Variants in FAM107A observed in about 807,000 individuals in gnomAD.
The protein encoded by FAM107A is family with sequence similarity 107 member A.
Under a neutral mutation model 13.7 loss-of-function variants are expected in FAM107A, and 19 were observed. The ratio of observed to expected loss-of-function variants is 1.38; its 90% CI spans 0.97 to 2.03. FAM107A has a LOEUF of 2.03. Ranked by LOEUF, FAM107A falls within the 30% of genes most tolerant of loss-of-function variation. The pLI is 0.00. For synonymous variants in FAM107A, 82 were observed against 74.5 expected (o/e 1.10, Z -0.52); for missense variants, 203 against 184.4 (o/e 1.10, Z -0.58).
intron 2 of FAM107A, among the ~76,000 whole-genome samples, chr3:58,567,992 A>G (rs2063640014): frequency 1.3e-5 from 2 of 152,104 alleles, no homozygotes; most frequent in Admixed American, 6.5e-5. Context: ...GCTGGAGTGC[A>G]GTGGTGCAAT....
At position 58,604,063 on chromosome 3, in the gene FAM107A, C is replaced by G. The variant is rs1328966408; in HGVS notation, c.-69-14794G>C. Reference sequence around the variant, plus strand: ...CCCACCAGATGCCCCTCCGCCTGCTCTCTGAGCTTCACACTAGCATGTCGG... The same window carrying G: ...CCCACCAGATGCCCCTCCGCCTGCTGTCTGAGCTTCACACTAGCATGTCGG... On this transcript the variant is annotated intron_variant, in intron 1 of 3. Coordinates refer to the FAM107A transcript ENST00000465970. The surrounding 1 kb of genome is among the most constrained non-coding windows in gnomAD (Gnocchi z 4.1). 6.6e-6 allele frequency among the ~76,000 whole-genome samples: 1 copy of G among 152,148 alleles called. No homozygotes were observed. The highest frequency in any genetic ancestry group is 2.4e-5 in the African/African-American group (1 of 41,430).
At chr3:58,584,531 C>T (rs80001891) in intron 1 of FAM107A, among the ~76,000 whole-genome samples, 490 of 152,218 alleles carry the variant, frequency 3.2e-3, no homozygotes, top group African/African-American at 0.011. Context: ...CCTTAGTGGA[C>T]CATGGGCAAG....
At chr3:58,625,311 G>T (rs746062703) in intron 1 of FAM107A, among the ~76,000 whole-genome samples, 2 of 152,108 alleles carry the variant, frequency 1.3e-5, no homozygotes, top group Non-Finnish European at 2.9e-5. Flanking sequence ...ACAGAAACAG[G>T]CCTTTTCAAA....
chr3:58,566,565 T>C lies in FAM107A; in HGVS notation c.*23A>G. ...AGGCTGTCCAGGCCAGGGTGGGCAG[T>C]GGCCTGAGCCCGGCAGCTGGCCCTA... On this transcript the variant is annotated 3_prime_UTR_variant, in exon 4 of 4. Coordinates refer to ENST00000360997, the MANE Select transcript of FAM107A (RefSeq NM_001076778.3). 4 of 1,579,922 alleles carry C rather than the reference T, an allele frequency of 2.5e-6. No homozygotes were observed. Among genetic ancestry groups the C allele is most frequent in the Non-Finnish European group, 3.5e-6 (4 of 1,150,086 alleles).
rs533636451 is a variant in FAM107A at position 58,566,265 on chromosome 3, G to C, written c.*323C>G. 9.6e-4 allele frequency: 260 copies of C among 272,064 alleles called. 1 individual carries two copies. The highest frequency in any genetic ancestry group is 2.3e-3 in the South Asian group (23 of 10,044). The allele number at this position is 272,064 out of a possible 1,614,324, so 16.9% of individuals were successfully genotyped here. A position where few individuals can be genotyped will look rare whatever the true frequency, so the allele number is the denominator to read the frequency against. ...TGGGAAGGCCTGGGCAGAACAGAAG[G>C]CTTGTCAAGTCAGAGGGCCACCTCT... On this transcript the variant is annotated 3_prime_UTR_variant, in exon 4 of 4. Coordinates refer to ENST00000360997, the MANE Select transcript of FAM107A (RefSeq NM_001076778.3).
At chr3:58,589,223 T>G, upstream of FAM107A, 1 of 1,535,226 alleles carries the variant, frequency 6.5e-7, no homozygotes, top group South Asian at 1.2e-5. Flanking sequence ...ATTTCGTCTC[T>G]GCTTCTCATT....
At chr3:58,622,870 G>C (rs72876174) in intron 1 of FAM107A, among the ~76,000 whole-genome samples, 27 of 152,268 alleles carry the variant, frequency 1.8e-4, no homozygotes, top group African/African-American at 6.5e-4. Flanking sequence ...CTGGGCACAG[G>C]AGTCCTTTGG....
chr3:58,566,287 C>A lies in FAM107A; in HGVS notation c.*301G>T, dbSNP rs188964499. On this transcript the variant is annotated 3_prime_UTR_variant, in exon 4 of 4. Coordinates refer to ENST00000360997, the MANE Select transcript of FAM107A (RefSeq NM_001076778.3). ...AAGGCTTGTCAAGTCAGAGGGCCAC[C>A]TCTTCCTCCTCAATTCTGCCAGAGA... 2.2e-4 allele frequency: 71 copies of A among 324,998 alleles called. 1 individual carries two copies. The East Asian group carries it at 3.8e-3, about 17-fold the overall frequency. 20.1% of individuals were successfully genotyped at this position (324,998 alleles called of 1,614,324 possible). A position where few individuals can be genotyped will look rare whatever the true frequency, so the allele number is the denominator to read the frequency against.
chr3:58,591,720 C>G (rs1307378761), upstream of FAM107A, among the ~76,000 whole-genome samples: 3 of 152,202 alleles, frequency 2.0e-5, no homozygotes, highest in Admixed American at 6.5e-5. This position sits in a 1 kb window ranked among gnomAD's most constrained non-coding sequence, Gnocchi z 4.3. Context: ...CAGACTTCCC[C>G]TATGTTAATA....
intron 1 of FAM107A, among the ~76,000 whole-genome samples, chr3:58,600,552 C>G (rs2065744911): frequency 6.6e-6 from 1 of 152,160 alleles, no homozygotes; most frequent in African/African-American, 2.4e-5. Flanking sequence ...GGTTTGAGCC[C>G]AGGTCAGCCT....
intron 1 of FAM107A, among the ~76,000 whole-genome samples, chr3:58,622,475 A>G (rs115354450): frequency 6.7e-4 from 102 of 152,306 alleles, no homozygotes; most frequent in African/African-American, 2.3e-3. Flanking sequence ...AGCATTTAGC[A>G]TAGTGGCTGC....
Position 58,604,399 on chromosome 3 carries a change from A to G in FAM107A, c.-69-15130T>C, listed in dbSNP as rs946267915. On this transcript the variant is annotated intron_variant, in intron 1 of 3. Transcript: ENST00000465970. The surrounding 1 kb of genome is among the most constrained non-coding windows in gnomAD (Gnocchi z 4.1). ...TGATAACAGGTCCTGTGCCAGACAG[A>G]CTCAGAATTCTGGAGAGAAAGGGCC... Among the ~76,000 whole-genome samples the G allele has an allele frequency of 6.6e-6, 1 of 151,874 alleles. No individual in the cohort carries two copies. Among genetic ancestry groups the G allele is most frequent in the Admixed American group, 6.6e-5 (1 of 15,244 alleles).
chr3:58,604,452 A>G lies in FAM107A; in HGVS notation c.-69-15183T>C, dbSNP rs370582246. Among the ~76,000 whole-genome samples, 3 of 152,168 alleles carry G rather than the reference A, an allele frequency of 2.0e-5. No homozygotes were observed. Among genetic ancestry groups the G allele is most frequent in the Admixed American group, 6.5e-5 (1 of 15,276 alleles). On this transcript the variant is annotated intron_variant, in intron 1 of 3. Transcript: ENST00000465970. The surrounding 1 kb of genome is among the most constrained non-coding windows in gnomAD (Gnocchi z 4.1). ...TTGAGATGATCTGCCTGCACCCTCC[A>G]TTATATAAGTGGAGAAACTGAGGCA...
upstream of FAM107A, among the ~76,000 whole-genome samples, chr3:58,591,191 G>A (rs191051071): frequency 9.2e-5 from 14 of 152,286 alleles, no homozygotes; most frequent in East Asian, 2.3e-3. The surrounding 1 kb of genome is among the most constrained non-coding windows in gnomAD (Gnocchi z 4.3). Context: ...ACAGAGAGAC[G>A]CTGGGAAAAA....
rs1298928737 is a variant in FAM107A, at chr3:58,617,559, C to G, written c.-70+9857G>C. On this transcript the variant is annotated intron_variant, in intron 1 of 3. Coordinates refer to the FAM107A transcript ENST00000465970. The surrounding 1 kb of genome is among the most constrained non-coding windows in gnomAD (Gnocchi z 4.5). Reference sequence around the variant, plus strand: ...CCTGAGATCTGATCTCTTACTTACACAAAGCCCCTTGTTTATGTTAGTTTG... The same window carrying G: ...CCTGAGATCTGATCTCTTACTTACAGAAAGCCCCTTGTTTATGTTAGTTTG... Among the ~76,000 whole-genome samples, 1 of 152,134 alleles carries G rather than the reference C, an allele frequency of 6.6e-6. No individual in the cohort carries two copies. Among genetic ancestry groups the G allele is most frequent in the Non-Finnish European group, 1.5e-5 (1 of 68,032 alleles).
chr3:58,587,054 G>T, exon 1 of FAM107A: 1 of 1,368,036 alleles, frequency 7.3e-7, no homozygotes, highest in South Asian at 1.7e-5. Context: ...CCCAAACCCC[G>T]CTGAGGGTCA....
intron 1 of FAM107A, among the ~76,000 whole-genome samples, chr3:58,573,830 C>T (rs1475745941): frequency 3.9e-5 from 6 of 152,224 alleles, no homozygotes; most frequent in Admixed American, 3.3e-4. Flanking sequence ...AGCCCTGGGA[C>T]ACACCACGCC....
intron 1 of FAM107A, among the ~76,000 whole-genome samples, chr3:58,597,277 T>C (rs896602160): frequency 6.6e-6 from 1 of 152,242 alleles, no homozygotes; most frequent in Non-Finnish European, 1.5e-5. Flanking sequence ...CTGCCAACAA[T>C]GATTGTGTCA....
At chr3:58,567,845 C>G (rs759689006) in intron 2 of FAM107A, among the ~76,000 whole-genome samples, 1 of 152,174 alleles carries the variant, frequency 6.6e-6, no homozygotes, top group South Asian at 2.1e-4. Context: ...GAAAGAATAT[C>G]TGCTTTTCAT....
Sources: allele counts gnomAD v4.1 joint callset (sites outside exome capture counted in the v4.1 genomes callset), GRCh38; gene constraint gnomAD v4.1.1; non-coding constraint Gnocchi (gnomAD v3.1); transcripts MANE v1.5; gene names NCBI Gene and HGNC (gene_info 2026-07-23, HGNC 2026-07-21).